Variants in AAAS observed in about 807,000 individuals in gnomAD.
The protein encoded by AAAS is aladin WD repeat nucleoporin, also known as aladin.
Under a neutral mutation model 75.6 loss-of-function variants are expected in AAAS, and 60 were observed. The ratio of observed to expected loss-of-function variants is 0.79; its 90% CI spans 0.64 to 0.98. The LOEUF is 0.98. AAAS is among the 50% of genes least tolerant of loss of function. AAAS has a pLI of 0.00. For synonymous variants in AAAS, 271 were observed against 265.0 expected (o/e 1.02, Z -0.22); for missense variants, 658 against 686.9 (o/e 0.96, Z 0.47).
intron 2 of AAAS, among the ~76,000 whole-genome samples, chr12:53,320,347 A>G (rs1237584318): frequency 6.6e-6 from 1 of 152,198 alleles, no homozygotes; most frequent in Non-Finnish European, 1.5e-5. Flanking sequence ...TACTTTTTCC[A>G]TAGTGTTCCT....
chr12:53,312,065 C>A (rs577947387), intron 7 of AAAS, among the ~76,000 whole-genome samples: 3 of 152,088 alleles, frequency 2.0e-5, no homozygotes, highest in Admixed American at 6.5e-5. Flanking sequence ...TGGTGGCTCA[C>A]GCCTGTAATC....
chr12:53,316,321 G>A (rs1016163840), intron 2 of AAAS, among the ~76,000 whole-genome samples: 8 of 149,686 alleles, frequency 5.3e-5, no homozygotes, highest in East Asian at 2.0e-4. Flanking sequence ...GTGGTGGTGC[G>A]TACCTGTAGT....
intron 7 of AAAS, among the ~76,000 whole-genome samples, chr12:53,313,912 T>G (rs1377212089): frequency 6.6e-6 from 1 of 152,146 alleles, no homozygotes; most frequent in African/African-American, 2.4e-5. Flanking sequence ...CCCAGCTTAG[T>G]CATAATTTAA....
chr12:53,316,764 CAAAAAA>C lies in AAAS; in HGVS notation c.252-988_252-983del, dbSNP rs34520642. On this transcript the variant is annotated intron_variant, in intron 2 of 15. Coordinates refer to ENST00000209873, the MANE Select transcript of AAAS (RefSeq NM_015665.6). ...CAACAGAGCAAGACTCCATCTCAGA[CAAAAAA>C]AAAAAAAAAAAAAAAGAAGAGAAAA... 2.7e-4 allele frequency among the ~76,000 whole-genome samples: 21 copies of C among 77,200 alleles called. 1 individual carries two copies. The highest frequency in any genetic ancestry group is 7.8e-4 in the African/African-American group (13 of 16,754). 50.6% of individuals were successfully genotyped at this position (77,200 alleles called of 152,430 possible).
At position 53,316,480 on chromosome 12, in the gene AAAS, T is replaced by C. The variant is rs866280988; in HGVS notation, c.252-698A>G. On this transcript the variant is annotated intron_variant, in intron 2 of 15. Coordinates refer to ENST00000209873, the MANE Select transcript of AAAS (RefSeq NM_015665.6). ...AAAAAAGAAGAAAAAAAAAAAAGAA[T>C]AGAAAAGGCCAGGCGCGGTGGCTCA... Among the ~76,000 whole-genome samples the C allele has an allele frequency of 3.9e-5, 5 of 126,644 alleles. No homozygotes were observed. In the East Asian group the frequency reaches 6.9e-4, roughly 18 times the overall value. 83.1% of individuals were successfully genotyped at this position (126,644 alleles called of 152,430 possible). A position where few individuals can be genotyped will look rare whatever the true frequency, so the allele number is the denominator to read the frequency against.
At chr12:53,318,891 C>T (rs1387963185) in intron 2 of AAAS, among the ~76,000 whole-genome samples, 1 of 152,168 alleles carries the variant, frequency 6.6e-6, no homozygotes, top group African/African-American at 2.4e-5. Flanking sequence ...GAAGCAGCAG[C>T]CACAGAAGTA....
At chr12:53,310,647 C>G (rs1374807273) in intron 7 of AAAS, among the ~76,000 whole-genome samples, 2 of 152,172 alleles carry the variant, frequency 1.3e-5, no homozygotes, top group Non-Finnish European at 1.5e-5. Flanking sequence ...GTGTCTGCAG[C>G]TGTGTATTTC....
At chr12:53,316,500 G>A (rs192692968) in intron 2 of AAAS, among the ~76,000 whole-genome samples, 1,625 of 150,406 alleles carry the variant, frequency 0.011, 29 homozygotes, top group African/African-American at 0.037. Flanking sequence ...CAGGCGCGGT[G>A]GCTCACACCT....
rs1383813439 is a variant in AAAS at position 53,308,449 on chromosome 12, T to C, written c.1167A>G (p.Pro389=). The C allele has an allele frequency of 6.2e-7, 1 of 1,614,192 alleles. No homozygotes were observed. Among genetic ancestry groups the C allele is most frequent in the Admixed American group, 1.7e-5 (1 of 60,018 alleles). The change falls in exon 12 of 16, where the codon CCA becomes CCG. Residue 389 remains proline, a synonymous_variant. Coordinates refer to ENST00000209873, the MANE Select transcript of AAAS (RefSeq NM_015665.6). ...ADLSETTIQT[P]DGEERLGGEA... ...ACTCAGCTCACCTCTCCTCACCATCTGGTGTCTGTATTGTTGTCTCAGACA... is the reference window on the plus strand; with the variant it reads ...ACTCAGCTCACCTCTCCTCACCATCCGGTGTCTGTATTGTTGTCTCAGACA...
chr12:53,316,642 T>C (rs1341186739), intron 2 of AAAS, among the ~76,000 whole-genome samples: 1 of 149,134 alleles, frequency 6.7e-6, no homozygotes, highest in East Asian at 2.0e-4. Flanking sequence ...ATGCCTATAA[T>C]CCCAGCTACT....
intron 7 of AAAS, among the ~76,000 whole-genome samples, chr12:53,312,803 GTA>G (rs1252547357): frequency 6.8e-6 from 1 of 147,016 alleles, no homozygotes; most frequent in Non-Finnish European, 1.5e-5. Context: ...ATATATACGT[GTA>G]TATATATGTG....
rs2121089867 is a variant in AAAS at position 53,309,702 on chromosome 12, G to A, written c.709C>T (p.Gln237Ter). Residue 237 changes from glutamine (Q) to a stop codon, truncating the protein, a stop_gained, in exon 8 of 16, where the codon CAA (glutamine) becomes TAA (stop). Transcript: ENST00000209873. LOFTEE classifies it high-confidence loss of function. ...GTATGCCCAGGGTGAGACAGCACTT[G>A]GGCACAGCCAGAAGAGGGTCTGGAG... ...LSTRPSSGCAQVLSHPGHTPV... is the reference protein window; with the variant it reads ...LSTRPSSGCA 2.5e-6 allele frequency: 4 copies of A among 1,613,344 alleles called. No individual in the cohort carries two copies. Among genetic ancestry groups the A allele is most frequent in the Non-Finnish European group, 3.4e-6 (4 of 1,179,814 alleles).
chr12:53,312,826 A>ACGTGTATATATATGTGTATATATAT (rs1332423969), intron 7 of AAAS, among the ~76,000 whole-genome samples: 1 of 116,048 alleles, frequency 8.6e-6, no homozygotes, highest in African/African-American at 3.5e-5. Context: ...TATATATATA[A>ACGTGTATATATATGTGTATATATAT]AACATATATG....
rs771349141 is a variant in AAAS, at chr12:53,308,111, A to G, written c.1272T>C (p.Gly424=). The stretch of plus-strand genomic sequence containing the variant: ...TGCGAAAAAGGAGGATGACTGGTTT[A>G]CCATCCTGTACCCTTGGCTTTCCTG... ...LMKGKPRVQD[G]KPVILLFRTR... Residue 424 remains glycine (G), a synonymous_variant, in exon 14 of 16, where the codon GGT becomes GGC. Transcript: ENST00000209873. 9.3e-6 allele frequency: 15 copies of G among 1,614,194 alleles called. 1 individual carries two copies. In the South Asian group the frequency reaches 1.6e-4, roughly 18 times the overall value.
At chr12:53,320,858 C>T (rs1944542965) in intron 1 of AAAS, 166 bp from the exon 2 acceptor site, 1 of 751,230 alleles carries the variant, frequency 1.3e-6, no homozygotes, top group Non-Finnish European at 2.2e-6. Context: ...AGTCTTAGCT[C>T]CCGTATCTGT....
rs774565315 is a variant in AAAS, at chr12:53,308,303, G to A, written c.1228C>T (p.Arg410Cys). ...TCACCTTTCATAAGCACAGCCAGAC[G>A]TTCCCCACTGGGGTCCCAGACCATG... ...HSMVWDPSGERLAVLMKGKPR... is the reference protein window; with the variant it reads ...HSMVWDPSGECLAVLMKGKPR... Residue 410 changes from arginine (R) to cysteine (C), a missense_variant, in exon 13 of 16, where the codon CGT becomes TGT. Transcript: ENST00000209873. The A allele has an allele frequency of 1.5e-5, 25 of 1,614,052 alleles. No homozygotes were observed. The East Asian group carries it at 2.0e-4, about 13-fold the overall frequency.
At position 53,315,137 on chromosome 12, in the gene AAAS, T is replaced by C; in HGVS notation, c.403A>G (p.Arg135Gly). The change falls in exon 5 of 16, where the codon AGG becomes GGG. Residue 135 changes from arginine (R) to glycine (G), a missense_variant. Arg to Gly is a moderately radical substitution (Grantham distance 125). Transcript: ENST00000209873. ...HGSLFPHLSL[R>G]SEDLIAEFAQ... ...AATTCAGCGATCAGATCTTCGCTCC[T>C]GAGCTGTAAGAACAAGATAGACACA... 1 of 1,614,104 alleles carries C rather than the reference T, an allele frequency of 6.2e-7. No homozygotes were observed.
intron 7 of AAAS, among the ~76,000 whole-genome samples, chr12:53,311,221 C>T (rs900555441): frequency 6.6e-6 from 1 of 152,086 alleles, no homozygotes; most frequent in Non-Finnish European, 1.5e-5. Context: ...TGGAATTACA[C>T]GCATGAGCCA....
chr12:53,314,584 G>A, intron 6 of AAAS, 143 bp from the exon 7 acceptor site: 1 of 1,366,604 alleles, frequency 7.3e-7, no homozygotes, highest in South Asian at 1.2e-5. Flanking sequence ...AGGGGATAAA[G>A]GTTAGGTCTA....
Sources: allele counts gnomAD v4.1 joint callset (sites outside exome capture counted in the v4.1 genomes callset), GRCh38; gene constraint gnomAD v4.1.1; transcripts MANE v1.5; gene names NCBI Gene and HGNC (gene_info 2026-07-23, HGNC 2026-07-21).